Variants in CDH23 observed in about 807,000 individuals in gnomAD.
CDH23 encodes cadherin related 23, also known as cadherin-23.
In CDH23, 189 loss-of-function variants were observed where a neutral mutation model predicts 317.1. That is an observed-to-expected ratio of 0.60 (90% CI 0.53 to 0.67). CDH23 has a LOEUF of 0.67. CDH23 is among the 30% of genes least tolerant of loss of function. CDH23 has a pLI of 0.00. For synonymous variants in CDH23, 1,839 were observed against 1,876.8 expected, an observed-to-expected ratio of 0.98 and a Z score of 0.52; for missense variants, 4,401 against 4,592.4, an observed-to-expected ratio of 0.96 and a Z score of 1.20.
chr10:71,760,775 G>T (rs145409576), intron 38 of CDH23: 2 of 1,212,850 alleles, frequency 1.6e-6, no homozygotes, highest in African/African-American at 1.5e-5. Flanking sequence ...AGGGCTTGGG[G>T]TGATGAGGCC....
In CDH23 at chr10:71,438,852, A is replaced by G. The variant is rs73281889; in HGVS notation, c.-5-975A>G. Among the ~76,000 whole-genome samples, 384 of 152,270 alleles carry G rather than the reference A, an allele frequency of 2.5e-3. 3 individuals carry two copies. The highest frequency in any genetic ancestry group is 8.9e-3 in the African/African-American group (369 of 41,536). On this transcript the variant is annotated intron_variant, in intron 1 of 69. Coordinates refer to ENST00000224721, the MANE Select transcript of CDH23 (RefSeq NM_022124.6). ...ACACGCCCCAGGCCAGATGCACAGT[A>G]GGTATGCACTGAAGGGTAATGTGTG... is the stretch of plus-strand genomic sequence containing the variant.
In CDH23 at chr10:71,751,924, G is replaced by A. The variant is rs1282168373; in HGVS notation, c.4845+10003G>A. On this transcript the variant is annotated intron_variant, in intron 38 of 69. Coordinates refer to ENST00000224721, the MANE Select transcript of CDH23 (RefSeq NM_022124.6). The surrounding 1 kb of genome is among the most constrained non-coding windows in gnomAD (Gnocchi z 4.9). ...CCGGAGCGTGAACTCTGCCCTCCCT[G>A]CCCCCAGTTTTTCTCTCCTCCCTTT... The A allele has an allele frequency of 6.1e-6, 9 of 1,482,778 alleles. No homozygotes were observed. The highest frequency in any genetic ancestry group is 1.3e-5 in the South Asian group (1 of 77,930). 91.9% of individuals were successfully genotyped at this position (1,482,778 alleles called of 1,614,324 possible).
At position 71,799,777 on chromosome 10, in the gene CDH23, ACCCTGTTCTCAGAGT is replaced by A. The variant is rs1841507628; in HGVS notation, c.7362+152_7362+166del. 48 of 1,067,800 alleles carry A rather than the reference ACCCTGTTCTCAGAGT, an allele frequency of 4.5e-5. No homozygotes were observed. In the South Asian group the frequency reaches 6.9e-4, roughly 15 times the overall value. The allele number at this position is 1,067,800 out of a possible 1,614,324, so 66.1% of individuals were successfully genotyped here. A position where few individuals can be genotyped will look rare whatever the true frequency, so the allele number is the denominator to read the frequency against. Reference sequence around the variant, plus strand: ...AGAGGTTCTTTAGCCAAGTCAGCAAACCCTGTTCTCAGAGTCCCAGACATTTGGTAGACTGTGGCC... The same window carrying A: ...AGAGGTTCTTTAGCCAAGTCAGCAAACCCAGACATTTGGTAGACTGTGGCC... On this transcript the variant is annotated intron_variant, in intron 52 of 69. Coordinates refer to ENST00000224721, the MANE Select transcript of CDH23 (RefSeq NM_022124.6).
chr10:71,505,691 C>T (rs183274173), intron 3 of CDH23, among the ~76,000 whole-genome samples: 1 of 152,206 alleles, frequency 6.6e-6, no homozygotes, highest in Non-Finnish European at 1.5e-5. Context: ...CAGCTCCCAT[C>T]TCTCTATCAT....
rs76484457 is a variant in CDH23 at position 71,627,328 on chromosome 10, T to C, written c.1134+9935T>C. Reference sequence around the variant, plus strand: ...AGCGGACAGCCCAGACTGTGCGTTTTCCCATTAATTTCTCCCCAGTTGCCT... The same window carrying C: ...AGCGGACAGCCCAGACTGTGCGTTTCCCCATTAATTTCTCCCCAGTTGCCT... On this transcript the variant is annotated intron_variant, in intron 11 of 69. Transcript: ENST00000224721. 2.4e-4 allele frequency among the ~76,000 whole-genome samples: 37 copies of C among 152,286 alleles called. No individual in the cohort carries two copies. The East Asian group carries it at 7.0e-3, about 29-fold the overall frequency.
At chr10:71,549,988 C>T (rs1393355974) in intron 6 of CDH23, among the ~76,000 whole-genome samples, 1 of 152,128 alleles carries the variant, frequency 6.6e-6, no homozygotes, top group Non-Finnish European at 1.5e-5. Context: ...CTATCCCTGC[C>T]TCCGCCAGGA....
chr10:71,421,237 C>T (rs1324808685), intron 1 of CDH23, among the ~76,000 whole-genome samples: 1 of 152,220 alleles, frequency 6.6e-6, no homozygotes, highest in Non-Finnish European at 1.5e-5. Flanking sequence ...AAGGCTGTGT[C>T]CAGCCAGGAG....
Position 71,702,360 on chromosome 10 carries a change from C to G in CDH23, c.2587+149C>G, listed in dbSNP as rs1435896656. The G allele has an allele frequency of 2.6e-6, 3 of 1,138,418 alleles. No homozygotes were observed. In the African/African-American group the frequency reaches 4.6e-5, roughly 17 times the overall value. 70.5% of individuals were successfully genotyped at this position (1,138,418 alleles called of 1,614,324 possible). On this transcript the variant is annotated intron_variant, in intron 23 of 69. Transcript: ENST00000224721. ...AATACCCACGCCCCAGTTGTGACTC[C>G]TAGAGCACCCTGAGGGAACGGAGGG...
chr10:71,581,412 C>T (rs1858622173), intron 9 of CDH23, among the ~76,000 whole-genome samples: 1 of 152,166 alleles, frequency 6.6e-6, no homozygotes, highest in Non-Finnish European at 1.5e-5. Context: ...GTCTGCCCCA[C>T]GTGGCTGGAG....
chr10:71,724,160 A>G, intron 29 of CDH23, 55 bp downstream of exon 29: 1 of 1,532,978 alleles, frequency 6.5e-7, no homozygotes, highest in Admixed American at 2.0e-5. Flanking sequence ...GGGAGGGCAG[A>G]GCTTCTCTAG....
chr10:71,793,633 C>A lies in CDH23; in HGVS notation c.6705C>A (p.Ile2235=). 1 of 1,584,082 alleles carries A rather than the reference C, an allele frequency of 6.3e-7. No homozygotes were observed. Among genetic ancestry groups the A allele is most frequent in the Non-Finnish European group, 8.6e-7 (1 of 1,163,958 alleles). ...AGGAGGACGCCTTTGCTGTGAATAT[C>A]AACACAGGTACAAGGGCCTGCACCC... ...PNQEDAFAVN[I]NTGSVMVKSP... The change falls in exon 48 of 70, where the codon ATC becomes ATA. Residue 2235 remains isoleucine, a synonymous_variant. Transcript: ENST00000224721.
chr10:71,580,312 G>C (rs567066345), intron 9 of CDH23, among the ~76,000 whole-genome samples: 20 of 152,334 alleles, frequency 1.3e-4, no homozygotes, highest in Admixed American at 1.1e-3. Context: ...CCTGGGACAG[G>C]CTCCCAAGTA....
At chr10:71,446,532 G>A in intron 3 of CDH23, 137 bp downstream of exon 3, 1 of 791,558 alleles carries the variant, frequency 1.3e-6, no homozygotes, top group Non-Finnish European at 2.1e-6. Context: ...AAAGGCCCCT[G>A]CTAGGATGCC....
intron 10 of CDH23, 27 bp downstream of exon 10, chr10:71,615,643 C>G (rs773848050): frequency 6.6e-7 from 1 of 1,523,400 alleles, no homozygotes; most frequent in East Asian, 2.3e-5. Context: ...CACCTTCACC[C>G]CAGGTAGAGG....
At position 71,705,204 on chromosome 10, in the gene CDH23, G is replaced by A. The variant is rs986055688; in HGVS notation, c.2953+74G>A. 9.5e-6 allele frequency: 13 copies of A among 1,368,824 alleles called. No individual in the cohort carries two copies. The Admixed American group carries it at 3.0e-4, about 32-fold the overall frequency. 84.8% of individuals were successfully genotyped at this position (1,368,824 alleles called of 1,614,324 possible). A position where few individuals can be genotyped will look rare whatever the true frequency, so the allele number is the denominator to read the frequency against. The stretch of plus-strand genomic sequence containing the variant: ...GCCTGGGTCAGGGGCAGGGGTAGAG[G>A]GGAGCCCATGTCCCCCACTGCTGTC... On this transcript the variant is annotated intron_variant, in intron 25 of 69. Transcript: ENST00000224721.
intron 3 of CDH23, among the ~76,000 whole-genome samples, chr10:71,448,261 G>T (rs1004654645): frequency 2.0e-5 from 3 of 152,248 alleles, no homozygotes; most frequent in Middle Eastern, 3.2e-3. Flanking sequence ...AGCCCATGTG[G>T]CCAGCCCTTC....
chr10:71,722,637 T>C (rs1866611449), intron 28 of CDH23, among the ~76,000 whole-genome samples: 1 of 151,996 alleles, frequency 6.6e-6, no homozygotes, highest in Admixed American at 6.5e-5. Context: ...TGACCAGGGG[T>C]AGGGAAGGCC....
Position 71,756,239 on chromosome 10 carries a change from G to A in CDH23, c.4845+14318G>A, listed in dbSNP as rs542502444. ...TCTGAAGAGATCATCCCTGTGTGCCGGTTTTTGTGTTATGGTCCTAGTTAT... is the reference window on the plus strand; with the variant it reads ...TCTGAAGAGATCATCCCTGTGTGCCAGTTTTTGTGTTATGGTCCTAGTTAT... On this transcript the variant is annotated intron_variant, in intron 38 of 69. Transcript: ENST00000224721. 1.2e-4 allele frequency among the ~76,000 whole-genome samples: 19 copies of A among 152,246 alleles called. 1 individual carries two copies. The highest frequency in any genetic ancestry group is 2.9e-4 in the African/African-American group (12 of 41,556).
At chr10:71,730,337 T>G in intron 30 of CDH23, 132 bp from the exon 31 acceptor site, 1 of 1,157,780 alleles carries the variant, frequency 8.6e-7, no homozygotes, top group Non-Finnish European at 1.2e-6. Flanking sequence ...CAGACAGGCC[T>G]GGGGTCCTAG....
Sources: gnomAD v4.1 joint callset for allele counts (sites outside exome capture counted in the v4.1 genomes callset) on GRCh38, gnomAD v4.1.1 for gene constraint, Gnocchi (gnomAD v3.1) non-coding constraint, MANE v1.5 for transcripts, NCBI Gene and HGNC (gene_info 2026-07-23, HGNC 2026-07-21) for gene names.